Variants in ST18 observed in about 807,000 individuals in gnomAD.
ST18 encodes suppression of tumorigenicity 18 protein.
Under a neutral mutation model 110.0 loss-of-function variants are expected in ST18, and 50 were observed. That is an observed-to-expected ratio of 0.45 (90% confidence interval 0.36 to 0.58). The LOEUF is 0.58. Among genes scored for constraint, ST18 ranks in the 20% least tolerant of loss-of-function variants. The pLI, the probability that ST18 is intolerant of heterozygous loss-of-function variation, is 0.00. For missense variants in ST18, 1,306 were observed against 1,280.1 expected (o/e 1.02, Z -0.31); for synonymous variants, 461 against 452.4 (o/e 1.02, Z -0.24).
chr8:52,135,300 C>T (rs1427783510), intron 19 of ST18, among the ~76,000 whole-genome samples: 2 of 152,026 alleles, frequency 1.3e-5, no homozygotes, highest in African/African-American at 4.8e-5. Flanking sequence ...CACGGTGGCT[C>T]ATATAATCCC....
At chr8:52,221,194 A>G (rs939030927) in intron 4 of ST18, among the ~76,000 whole-genome samples, 7 of 152,122 alleles carry the variant, frequency 4.6e-5, no homozygotes. Context: ...AGGGACTCTT[A>G]ATGATCATTA....
chr8:52,357,918 A>G (rs538873661), intron 2 of ST18, among the ~76,000 whole-genome samples: 114 of 151,188 alleles, frequency 7.5e-4, no homozygotes, highest in Middle Eastern at 3.4e-3. Flanking sequence ...TCAAGCACAC[A>G]TAGATTATTC....
chr8:52,376,217 C>T (rs940239235), intron 2 of ST18, among the ~76,000 whole-genome samples: 2 of 152,184 alleles, frequency 1.3e-5, no homozygotes, highest in African/African-American at 4.8e-5. Flanking sequence ...AGCCAACACT[C>T]TTACAGTGAC....
rs117623198 is a variant in ST18 at position 52,242,869 on chromosome 8, C to T, written c.-464-12792G>A. On this transcript the variant is annotated intron_variant, in intron 2 of 25. Coordinates refer to ENST00000689386, the MANE Select transcript of ST18 (RefSeq NM_001352837.2). ...CCAGGGTGACAAGAGTGAGACTCTG[C>T]CTCAAAAAAAAAAAAAATGTACTTA... Among the ~76,000 whole-genome samples the T allele has an allele frequency of 1.8e-3, 255 of 139,578 alleles. 3 individuals carry two copies. The East Asian group carries it at 0.038, about 21-fold the overall frequency. 91.6% of individuals were successfully genotyped at this position (139,578 alleles called of 152,430 possible). A position where few individuals can be genotyped will look rare whatever the true frequency, so the allele number is the denominator to read the frequency against.
intron 23 of ST18, among the ~76,000 whole-genome samples, chr8:52,119,130 T>TA (rs2043674425): frequency 6.6e-6 from 1 of 152,158 alleles, no homozygotes; most frequent in Non-Finnish European, 1.5e-5. Context: ...TTGGGCAACT[T>TA]ACTTATCTTC....
At chr8:52,381,649 C>A (rs1444684697) in intron 2 of ST18, among the ~76,000 whole-genome samples, 1 of 152,158 alleles carries the variant, frequency 6.6e-6, no homozygotes, top group Non-Finnish European at 1.5e-5. Flanking sequence ...CATGTTAACT[C>A]ATCGCGTTAA....
intron 17 of ST18, among the ~76,000 whole-genome samples, chr8:52,138,473 A>G (rs1027476782): frequency 1.3e-5 from 2 of 152,030 alleles, no homozygotes; most frequent in African/African-American, 4.8e-5. Context: ...ATAATCAGCT[A>G]CTCAGGAAAC....
At chr8:52,352,758 G>A (rs1371064225) in intron 2 of ST18, among the ~76,000 whole-genome samples, 1 of 152,214 alleles carries the variant, frequency 6.6e-6, no homozygotes, top group Non-Finnish European at 1.5e-5. Flanking sequence ...CCTTCATTGA[G>A]AGGAAAAATC....
intron 2 of ST18, among the ~76,000 whole-genome samples, chr8:52,363,985 C>T (rs1207369036): frequency 6.6e-6 from 1 of 152,180 alleles, no homozygotes; most frequent in Non-Finnish European, 1.5e-5. Context: ...GAATGTTTGA[C>T]AGTATTTTTC....
At chr8:52,188,896 T>C (rs12546141) in intron 8 of ST18, among the ~76,000 whole-genome samples, 6,898 of 152,270 alleles carry the variant, frequency 0.045, 206 homozygotes, top group Middle Eastern at 0.099. Context: ...ATTTCTGAGA[T>C]GGGTAGGACT....
intron 15 of ST18, among the ~76,000 whole-genome samples, chr8:52,155,235 C>T (rs2059742426): frequency 6.6e-6 from 1 of 151,800 alleles, no homozygotes; most frequent in African/African-American, 2.4e-5. Context: ...ATAAATAAAG[C>T]TAATACTTCA....
chr8:52,143,674 C>G (rs577696946), intron 16 of ST18, among the ~76,000 whole-genome samples: 2 of 152,032 alleles, frequency 1.3e-5, no homozygotes, highest in African/African-American at 4.8e-5. Context: ...TAGTATATTT[C>G]AAGGTTTCTT....
At chr8:52,342,939 A>G (rs1815824423) in intron 2 of ST18, among the ~76,000 whole-genome samples, 2 of 152,204 alleles carry the variant, frequency 1.3e-5, no homozygotes, top group Admixed American at 1.3e-4. Context: ...CGAAAGAACA[A>G]GGTATATTTT....
At chr8:52,314,390 G>C (rs1301890243) in intron 2 of ST18, among the ~76,000 whole-genome samples, 1 of 152,072 alleles carries the variant, frequency 6.6e-6, no homozygotes, top group African/African-American at 2.4e-5. Flanking sequence ...GGAATTATCT[G>C]CCCCTACTAT....
chr8:52,347,012 G>A (rs1818096202), intron 2 of ST18, among the ~76,000 whole-genome samples: 1 of 152,176 alleles, frequency 6.6e-6, no homozygotes, highest in Admixed American at 6.5e-5. Flanking sequence ...AATAAAAGGT[G>A]TGTAAGAAAA....
chr8:52,356,393 C>A (rs907592403), intron 2 of ST18, among the ~76,000 whole-genome samples: 1 of 152,162 alleles, frequency 6.6e-6, no homozygotes, highest in African/African-American at 2.4e-5. Context: ...TCAGCGGCCA[C>A]ACATACACAC....
At chr8:52,117,500 T>C (rs2042979067) in intron 24 of ST18, among the ~76,000 whole-genome samples, 1 of 152,260 alleles carries the variant, frequency 6.6e-6, no homozygotes, top group African/African-American at 2.4e-5. Flanking sequence ...TCTTTGCTAA[T>C]GGTTTTCTAG....
intron 8 of ST18, among the ~76,000 whole-genome samples, chr8:52,196,114 G>GGGT (rs1314540715): frequency 6.6e-6 from 1 of 152,050 alleles, no homozygotes; most frequent in African/African-American, 2.4e-5. Flanking sequence ...AAAATGACTT[G>GGGT]GGTGCTGCTT....
intron 2 of ST18, among the ~76,000 whole-genome samples, chr8:52,367,583 T>A (rs7464284): frequency 0.8 from 122,203 of 152,162 alleles, 51,649 homozygotes; most frequent in Non-Finnish European, 0.93. Context: ...ATTACATTAA[T>A]TTTTAATCTT....
Sources: allele counts gnomAD v4.1 joint callset (sites outside exome capture counted in the v4.1 genomes callset), GRCh38; gene constraint gnomAD v4.1.1; transcripts MANE v1.5; gene names NCBI Gene and HGNC (gene_info 2026-07-23, HGNC 2026-07-21).